TENM4: variants seen among roughly 807,000 people sequenced by gnomAD.
TENM4 encodes teneurin-4.
Under a neutral mutation model 243.3 loss-of-function variants are expected in TENM4, and 82 were observed. The ratio of observed to expected loss-of-function variants is 0.34; its 90% CI spans 0.28 to 0.40. TENM4 has a LOEUF of 0.40. Ranked by LOEUF, TENM4 falls within the 10% of genes least tolerant of loss-of-function variation. The pLI is 1.00. For synonymous variants in TENM4, 1,412 were observed against 1,456.3 expected, an observed-to-expected ratio of 0.97 and a Z score of 0.69; for missense variants, 3,138 against 3,673.3, an observed-to-expected ratio of 0.85 and a Z score of 3.77.
intron 3 of TENM4, among the ~76,000 whole-genome samples, chr11:79,164,225 ATAC>A (rs1862845672): frequency 8.0e-6 from 1 of 124,998 alleles, no homozygotes; most frequent in South Asian, 2.4e-4. Flanking sequence ...ATAGTATACT[ATAC>A]TATATACAGT....
At chr11:78,907,742 A>C (rs1267552840) in intron 6 of TENM4, among the ~76,000 whole-genome samples, 1 of 152,048 alleles carries the variant, frequency 6.6e-6, no homozygotes, top group African/African-American at 2.4e-5. Flanking sequence ...AAGAACAACA[A>C]CTCAGGTAGT....
chr11:78,810,272 C>T (rs186540491), intron 14 of TENM4, among the ~76,000 whole-genome samples: 2 of 152,326 alleles, frequency 1.3e-5, no homozygotes, highest in African/African-American at 4.8e-5. Context: ...GAAAAGAAAG[C>T]TGGAGTAAGA....
intron 12 of TENM4, among the ~76,000 whole-genome samples, chr11:78,833,513 C>T (rs765235829): frequency 1.3e-5 from 2 of 152,230 alleles, no homozygotes; most frequent in Admixed American, 6.5e-5. Flanking sequence ...GTCAAACACA[C>T]CAGGTCATTT....
At chr11:79,275,442 C>T (rs1039846064) in intron 2 of TENM4, among the ~76,000 whole-genome samples, 4 of 152,192 alleles carry the variant, frequency 2.6e-5, no homozygotes, top group African/African-American at 9.7e-5. Context: ...CCCAGAAATG[C>T]GCTTTGCACT....
chr11:79,310,521 T>C (rs752580792), intron 1 of TENM4, among the ~76,000 whole-genome samples: 1 of 152,166 alleles, frequency 6.6e-6, no homozygotes, highest in Non-Finnish European at 1.5e-5. Flanking sequence ...ACGATACACC[T>C]ATTTTAGAGG....
intron 9 of TENM4, among the ~76,000 whole-genome samples, chr11:78,876,123 G>C (rs560595857): frequency 6.6e-6 from 1 of 152,210 alleles, no homozygotes; most frequent in Non-Finnish European, 1.5e-5. Flanking sequence ...TTTGACTGCA[G>C]CAGGCCTCAG....
chr11:79,210,883 T>A (rs148343251), intron 3 of TENM4, among the ~76,000 whole-genome samples: 1 of 152,226 alleles, frequency 6.6e-6, no homozygotes, highest in Non-Finnish European at 1.5e-5. Context: ...TAGCCCTCTG[T>A]ATACATACAT....
Position 78,702,282 on chromosome 11 carries a change from C to T in TENM4, c.4331G>A (p.Arg1444Lys), listed in dbSNP as rs1269805721. The T allele has an allele frequency of 4.3e-6, 7 of 1,613,904 alleles. No homozygotes were observed. In the Admixed American group the frequency reaches 8.3e-5, roughly 19 times the overall value. Residue 1444 changes from arginine to lysine, a missense_variant, in exon 28 of 34, where the codon AGG becomes AAG. Physicochemically the swap from Arg to Lys is conservative, Grantham distance 26. Coordinates refer to ENST00000278550, the MANE Select transcript of TENM4 (RefSeq NM_001098816.3). Reference sequence around the variant, plus strand: ...GCCAGGGACCTGGCAGTGCATGGGCCTCCCGGCGACAATGCGCACCTGGTG... The same window carrying T: ...GCCAGGGACCTGGCAGTGCATGGGCTTCCCGGCGACAATGCGCACCTGGTG... ...ENHQVRIVAG[R>K]PMHCQVPGID...
intron 1 of TENM4, among the ~76,000 whole-genome samples, chr11:79,303,107 T>A (rs964825766): frequency 4.1e-4 from 62 of 152,338 alleles, no homozygotes; most frequent in African/African-American, 1.3e-3. Context: ...TAAATGGTCT[T>A]GGCCTTGCCT....
intron 9 of TENM4, among the ~76,000 whole-genome samples, chr11:78,863,927 AG>A (rs1368678668): frequency 6.6e-6 from 1 of 152,248 alleles, no homozygotes; most frequent in African/African-American, 2.4e-5. Flanking sequence ...GCAAAATATT[AG>A]AAACCAGTCC....
intron 2 of TENM4, among the ~76,000 whole-genome samples, chr11:79,281,230 C>A (rs1424315738): frequency 6.6e-6 from 1 of 152,282 alleles, no homozygotes; most frequent in African/African-American, 2.4e-5. Flanking sequence ...CTCCTCTCAG[C>A]AATCCCCATA....
chr11:79,401,612 A>G (rs374763341), intron 1 of TENM4, among the ~76,000 whole-genome samples: 10 of 152,234 alleles, frequency 6.6e-5, no homozygotes, highest in African/African-American at 2.4e-4. Flanking sequence ...ATACATTCTG[A>G]AGCATTTCTC....
chr11:78,834,692 T>C (rs976522966), intron 12 of TENM4, among the ~76,000 whole-genome samples: 3 of 152,076 alleles, frequency 2.0e-5, no homozygotes, highest in Non-Finnish European at 1.5e-5. Context: ...GTTTTTGGTA[T>C]GGTGACTCTC....
intron 2 of TENM4, among the ~76,000 whole-genome samples, chr11:79,216,159 T>G (rs2135227305): frequency 6.6e-6 from 1 of 152,342 alleles, no homozygotes; most frequent in African/African-American, 2.4e-5. Flanking sequence ...CATCTCATCT[T>G]GTGCTATGGG....
chr11:79,008,419 A>G (rs1391895018), intron 6 of TENM4, among the ~76,000 whole-genome samples: 2 of 152,216 alleles, frequency 1.3e-5, no homozygotes, highest in Non-Finnish European at 2.9e-5. Context: ...ATTTAGAAAA[A>G]AAGGAAAATG....
intron 6 of TENM4, among the ~76,000 whole-genome samples, chr11:78,990,290 C>T (rs535524783): frequency 3.9e-5 from 6 of 152,258 alleles, no homozygotes; most frequent in Admixed American, 2.0e-4. Flanking sequence ...GTTCTGACTT[C>T]GCATCATGAG....
At chr11:79,348,588 C>G (rs1857367263) in intron 1 of TENM4, among the ~76,000 whole-genome samples, 1 of 152,152 alleles carries the variant, frequency 6.6e-6, no homozygotes, top group Non-Finnish European at 1.5e-5. Flanking sequence ...TAGATTAGGT[C>G]ATGAGGGTGA....
In TENM4 at chr11:79,144,208, A is replaced by G. The variant is rs114165424; in HGVS notation, c.-66+4502T>C. Reference sequence around the variant, plus strand: ...AAACAGGTAGATGAAAAAGTGCTCAACATCATTGATTATCAGAGAAAAGCA... The same window carrying G: ...AAACAGGTAGATGAAAAAGTGCTCAGCATCATTGATTATCAGAGAAAAGCA... On this transcript the variant is annotated intron_variant, in intron 4 of 33. Transcript: ENST00000278550. 7.8e-3 allele frequency among the ~76,000 whole-genome samples: 1,188 copies of G among 152,216 alleles called. 19 individuals are homozygous for G. Among genetic ancestry groups the G allele is most frequent in the African/African-American group, 0.028 (1,150 of 41,562 alleles).
At chr11:79,035,541 G>GAAA (rs11390542) in intron 6 of TENM4, among the ~76,000 whole-genome samples, 1 of 143,562 alleles carries the variant, frequency 7.0e-6, no homozygotes. Flanking sequence ...ATTCAGACAA[G>GAAA]AAAAAAAAAA....
Sources: allele counts gnomAD v4.1 joint callset (sites outside exome capture counted in the v4.1 genomes callset), GRCh38; gene constraint gnomAD v4.1.1; transcripts MANE v1.5; gene names NCBI Gene and HGNC (gene_info 2026-07-23, HGNC 2026-07-21).